Variants in TAS1R1 observed in about 807,000 individuals in gnomAD.
TAS1R1 encodes the protein taste 1 receptor member 1.
A neutral mutation model predicts 45.8 loss-of-function variants in TAS1R1; 31 were observed. The observed-to-expected ratio is 0.68, with a 90% CI of 0.51 to 0.91. The LOEUF is 0.91. Among genes scored for constraint, TAS1R1 ranks in the 40% least tolerant of loss-of-function variants. The pLI is 0.00. For missense variants in TAS1R1, 1,051 were observed against 1,063.9 expected, an observed-to-expected ratio of 0.99 and a Z score of 0.17; for synonymous variants, 437 against 448.4, an observed-to-expected ratio of 0.97 and a Z score of 0.32.
rs1019385864 is a variant in TAS1R1, at chr1:6,561,680, A to C, written c.191+6116A>C. ...CAGGGAGCCCAGCTCGCGCCACCGC[A>C]CTCCAGCTTGGGCAACAGAACGAGT... On this transcript the variant is annotated intron_variant, in intron 1 of 5. Coordinates refer to ENST00000333172, the MANE Select transcript of TAS1R1 (RefSeq NM_138697.4). 3.3e-5 allele frequency among the ~76,000 whole-genome samples: 5 copies of C among 150,726 alleles called. No individual in the cohort carries two copies. In the East Asian group the frequency reaches 9.9e-4, roughly 30 times the overall value.
intron 1 of TAS1R1, among the ~76,000 whole-genome samples, chr1:6,568,259 C>A (rs781390687): frequency 2.0e-5 from 3 of 151,814 alleles, no homozygotes; most frequent in Non-Finnish European, 4.4e-5. Flanking sequence ...ACCATCCTGG[C>A]TAACATGGTG....
intron 1 of TAS1R1, 85 bp from the exon 2 acceptor site, chr1:6,570,824 C>A: frequency 7.6e-7 from 1 of 1,308,028 alleles, no homozygotes; most frequent in Non-Finnish European, 1.1e-6. Flanking sequence ...GTTCCCTTTG[C>A]TCCCAAGCCT....
intron 1 of TAS1R1, among the ~76,000 whole-genome samples, chr1:6,560,126 C>T (rs1017489810): frequency 5.9e-5 from 9 of 151,960 alleles, no homozygotes; most frequent in Non-Finnish European, 1.5e-5. Flanking sequence ...GAGAAACCCC[C>T]CTCTCTACTA....
At chr1:6,563,202 G>A (rs1408564218) in intron 1 of TAS1R1, among the ~76,000 whole-genome samples, 3 of 152,156 alleles carry the variant, frequency 2.0e-5, no homozygotes, top group African/African-American at 4.8e-5. Context: ...AAATTGGGCC[G>A]TTTGGGTGAC....
chr1:6,568,060 A>G (rs909609503), intron 1 of TAS1R1, among the ~76,000 whole-genome samples: 1 of 152,118 alleles, frequency 6.6e-6, no homozygotes, highest in Non-Finnish European at 1.5e-5. Context: ...AAGCCAGGTT[A>G]AGGAGGTCTT....
At position 6,576,541 on chromosome 1, in the gene TAS1R1, T is replaced by C; in HGVS notation, c.1387T>C (p.Phe463Leu). The change falls in exon 4 of 6, where the codon TTC becomes CTC. Residue 463 changes from phenylalanine (F) to leucine (L), a missense_variant. Physicochemically the swap from Phe to Leu is conservative, Grantham distance 22. Transcript: ENST00000333172. ...AWDWNGPKWT[F>L]TVLGSSTWSP... is the part of the protein sequence containing the mutation. ...GGACTGGAATGGACCCAAGTGGACC[T>C]TCACGGTCCTCGGTTCCTCCACATG... The C allele has an allele frequency of 6.2e-7, 1 of 1,614,260 alleles. No homozygotes were observed.
chr1:6,558,043 TTTTTG>T (rs1486307086), intron 1 of TAS1R1, among the ~76,000 whole-genome samples: 2 of 42,778 alleles, frequency 4.7e-5, no homozygotes, highest in Admixed American at 2.5e-4. Flanking sequence ...TTAGTTTTTG[TTTTTG>T]TTTTTGTTTT....
intron 1 of TAS1R1, among the ~76,000 whole-genome samples, chr1:6,566,087 A>T (rs1484543259): frequency 6.6e-6 from 1 of 152,142 alleles, no homozygotes. Flanking sequence ...TCTTCTAGGG[A>T]AGGACTACAG....
At chr1:6,561,169 G>T (rs11805406) in intron 1 of TAS1R1, among the ~76,000 whole-genome samples, 5,953 of 152,150 alleles carry the variant, frequency 0.039, 382 homozygotes, top group African/African-American at 0.14. Context: ...GAGAAAATGG[G>T]TTATGGCAGG....
At position 6,579,225 on chromosome 1, in the gene TAS1R1, A is replaced by G. The variant is rs2148679363; in HGVS notation, c.2167A>G (p.Thr723Ala). Residue 723 changes from threonine (T) to alanine (A), a missense_variant, in exon 6 of 6, where the codon ACC becomes GCC. Thr to Ala is a moderately conservative substitution (Grantham distance 58). Coordinates refer to ENST00000333172, the MANE Select transcript of TAS1R1 (RefSeq NM_138697.4). ...PHLVMLECTE[T>A]NSLGFILAFL... ...TCTGGTGATGCTTGAGTGCACAGAG[A>G]CCAACTCCCTGGGCTTCATACTGGC... is the stretch of plus-strand genomic sequence containing the variant. 1.9e-6 allele frequency: 3 copies of G among 1,614,150 alleles called. No individual in the cohort carries two copies. Among genetic ancestry groups the G allele is most frequent in the South Asian group, 2.2e-5 (2 of 91,088 alleles).
chr1:6,566,988 T>C (rs1639884124), intron 1 of TAS1R1, among the ~76,000 whole-genome samples: 2 of 151,778 alleles, frequency 1.3e-5, no homozygotes, highest in Non-Finnish European at 2.9e-5. Flanking sequence ...GGGAAGTGGG[T>C]GCTGGGGAGA....
intron 1 of TAS1R1, among the ~76,000 whole-genome samples, chr1:6,565,342 T>G (rs1639855907): frequency 1.3e-5 from 2 of 152,054 alleles, no homozygotes; most frequent in Non-Finnish European, 1.5e-5. Context: ...TTATGTGGGC[T>G]GTCGGTGGTG....
At chr1:6,576,716 G>A (rs1640187932) in intron 4 of TAS1R1, 89 bp downstream of exon 4, 2 of 1,525,208 alleles carry the variant, frequency 1.3e-6, no homozygotes, top group East Asian at 2.3e-5. Flanking sequence ...CAGGGAGCAG[G>A]AGGGGGGCCC....
rs144533208 is a variant in TAS1R1 at position 6,563,437 on chromosome 1, G to A, written c.192-7472G>A. Among the ~76,000 whole-genome samples, 5 of 152,300 alleles carry A rather than the reference G, an allele frequency of 3.3e-5. No homozygotes were observed. The East Asian group carries it at 5.8e-4, about 18-fold the overall frequency. ...TAGGAGCGTAAAAGTTGTACTATGC[G>A]CCGTGTCAGAGTGTTTTCTGTCGTA... On this transcript the variant is annotated intron_variant, in intron 1 of 5. Coordinates refer to ENST00000333172, the MANE Select transcript of TAS1R1 (RefSeq NM_138697.4).
In TAS1R1 at chr1:6,561,896, A is replaced by G. The variant is rs542291306; in HGVS notation, c.191+6332A>G. 5.3e-5 allele frequency among the ~76,000 whole-genome samples: 8 copies of G among 152,170 alleles called. No individual in the cohort carries two copies. The East Asian group carries it at 1.5e-3, about 29-fold the overall frequency. ...CGAGGTCCAGTGGAGTTGAAGGAAT[A>G]AGAAAAGACAAAAGAGAAAGTGGGA... On this transcript the variant is annotated intron_variant, in intron 1 of 5. Coordinates refer to ENST00000333172, the MANE Select transcript of TAS1R1 (RefSeq NM_138697.4).
In TAS1R1 at chr1:6,565,603, C is replaced by T. The variant is rs141952712; in HGVS notation, c.192-5306C>T. 3.3e-5 allele frequency among the ~76,000 whole-genome samples: 5 copies of T among 152,028 alleles called. No individual in the cohort carries two copies. The East Asian group carries it at 7.7e-4, about 24-fold the overall frequency. On this transcript the variant is annotated intron_variant, in intron 1 of 5. Coordinates refer to ENST00000333172, the MANE Select transcript of TAS1R1 (RefSeq NM_138697.4). ...GATAGAGCAGGAGCGGTTACAAGGG[C>T]GTTTTTTGTTTGTTTGTTTTCTTTT...
At position 6,555,524 on chromosome 1, in the gene TAS1R1, C is replaced by CTGCA. The variant is rs765196637; in HGVS notation, c.152_155dup (p.Gln52HisfsTer13). 1.5e-5 allele frequency: 23 copies of CTGCA among 1,557,926 alleles called. No individual in the cohort carries two copies. Among genetic ancestry groups the CTGCA allele is most frequent in the Non-Finnish European group, 1.8e-5 (21 of 1,150,566 alleles). On this transcript the variant is annotated frameshift_variant, in exon 1 of 6. Coordinates refer to ENST00000333172, the MANE Select transcript of TAS1R1 (RefSeq NM_138697.4). LOFTEE classifies it high-confidence loss of function. ...CCTGTTCCCTCTCCATTCTGGCTGT[C>CTGCA]TGCAGGTGAGGCACAGACCCGAGGT...
intron 2 of TAS1R1, among the ~76,000 whole-genome samples, chr1:6,571,767 C>G (rs1640023644): frequency 1.3e-5 from 2 of 152,150 alleles, no homozygotes; most frequent in African/African-American, 4.8e-5. Context: ...TTGCAGTGAG[C>G]TGAGATTGCA....
chr1:6,578,532 C>T (rs1216110219), intron 5 of TAS1R1, 121 bp from the exon 6 acceptor site: 4 of 1,470,786 alleles, frequency 2.7e-6, no homozygotes, highest in African/African-American at 1.4e-5. Flanking sequence ...ACCCCCATCC[C>T]ACTATGCCTA....
Sources: allele counts gnomAD v4.1 joint callset (sites outside exome capture counted in the v4.1 genomes callset), GRCh38; gene constraint gnomAD v4.1.1; transcripts MANE v1.5; gene names NCBI Gene and HGNC (gene_info 2026-07-23, HGNC 2026-07-21).